Variants in ABCA10 observed in about 807,000 individuals in gnomAD.
ABCA10 encodes ATP-binding cassette sub-family A member 10.
A neutral mutation model predicts 187.5 loss-of-function variants in ABCA10; 169 were observed. That is an observed-to-expected ratio of 0.90 (90% confidence interval 0.80 to 1.02). ABCA10 has a LOEUF of 1.02. ABCA10 is among the 50% of genes least tolerant of loss of function. ABCA10 has a pLI of 0.00. For synonymous variants in ABCA10, 574 were observed against 601.8 expected, an observed-to-expected ratio of 0.95 and a Z score of 0.68; for missense variants, 1,727 against 1,812.4, an observed-to-expected ratio of 0.95 and a Z score of 0.86.
intron 7 of ABCA10, 50 bp downstream of exon 7, chr17:69,216,167 T>A (rs1364970093): frequency 6.4e-7 from 1 of 1,567,484 alleles, no homozygotes; most frequent in East Asian, 2.2e-5. Flanking sequence ...TTTGCTCATG[T>A]ATCTGTAATC....
chr17:69,227,804 T>C (rs1421767556), intron 1 of ABCA10, among the ~76,000 whole-genome samples: 1 of 151,940 alleles, frequency 6.6e-6, no homozygotes, highest in Non-Finnish European at 1.5e-5. Flanking sequence ...TTACGGCCAT[T>C]CTTAGAATCC....
chr17:69,183,542 C>A (rs1418304257), intron 20 of ABCA10, among the ~76,000 whole-genome samples: 1 of 152,084 alleles, frequency 6.6e-6, no homozygotes, highest in Non-Finnish European at 1.5e-5. Flanking sequence ...AAACTGAGTG[C>A]CCTCGGTGTG....
upstream of ABCA10, chr17:69,233,041 T>G (rs2074841949): frequency 6.6e-6 from 1 of 152,162 alleles, no homozygotes; most frequent in African/African-American, 2.4e-5. Flanking sequence ...TCTTGGGGTA[T>G]TCTTATTTGG....
rs1472912673 is a variant in ABCA10, at chr17:69,177,967, A to AT, written c.2770-2455_2770-2454insA. On this transcript the variant is annotated intron_variant, in intron 22 of 38. Transcript: ENST00000690296. Reference sequence around the variant, plus strand: ...TGAGACTCCATTTCAAAAAAAAAAAAAAAAAAATATATATATATATATATG... The same window carrying AT: ...TGAGACTCCATTTCAAAAAAAAAAAATAAAAAAATATATATATATATATATG... Among the ~76,000 whole-genome samples, 184 of 78,612 alleles carry AT rather than the reference A, an allele frequency of 2.3e-3. 3 individuals are homozygous for AT. The highest frequency in any genetic ancestry group is 4.6e-3 in the African/African-American group (147 of 31,776). The allele number at this position is 78,612 out of a possible 152,430, so 51.6% of individuals were successfully genotyped here.
intron 22 of ABCA10, among the ~76,000 whole-genome samples, chr17:69,180,317 G>A (rs1023839587): frequency 3.3e-5 from 5 of 152,204 alleles, no homozygotes; most frequent in East Asian, 1.9e-4. Context: ...CTTCTGCTCC[G>A]TGCAATGCAT....
At chr17:69,202,190 G>A (rs891242416) in intron 9 of ABCA10, among the ~76,000 whole-genome samples, 4 of 152,138 alleles carry the variant, frequency 2.6e-5, no homozygotes, top group African/African-American at 9.6e-5. Flanking sequence ...TCATGAAAGG[G>A]AATACAGTTC....
At position 69,192,594 on chromosome 17, in the gene ABCA10, T is replaced by C; in HGVS notation, c.1840A>G (p.Lys614Glu). 2 of 1,613,578 alleles carry C rather than the reference T, an allele frequency of 1.2e-6. No homozygotes were observed. The highest frequency in any genetic ancestry group is 1.7e-6 in the Non-Finnish European group (2 of 1,179,802). Residue 614 changes from lysine to glutamate, a missense_variant, in exon 16 of 39, where the codon AAG (lysine) becomes GAG (glutamate). Transcript: ENST00000690296. ...LKCAGSSLFL[K>E]RKWGIGYHLS... is the part of the protein sequence containing the mutation. ...TGATATCCAATACCCCACTTTCGCT[T>C]CAGAAACAAAGATGATCCTGCACAT...
intron 22 of ABCA10, chr17:69,178,893 T>C (rs190300427): frequency 6.6e-6 from 1 of 152,282 alleles, no homozygotes; most frequent in East Asian, 1.9e-4. Context: ...TTAAAAGTTA[T>C]TCATGAGGGA....
At chr17:69,150,400 T>C in intron 36 of ABCA10, 1 of 173,024 alleles carries the variant, frequency 5.8e-6, no homozygotes, top group Non-Finnish European at 1.2e-5. Context: ...TTCCCCTCTC[T>C]CATAGGAGAG....
Position 69,153,310 on chromosome 17 carries a change from T to A in ABCA10, c.4131A>T (p.Gln1377His). ...FTGMDPEGQQQMWQILQATVK... is the reference protein window; with the variant it reads ...FTGMDPEGQQHMWQILQATVK... ...TTAATATTCACTCTCCTTACCACAT[T>A]TGCTGCTGCCCCTCGGGGTCCATCC... Residue 1377 changes from glutamine to histidine, a missense_variant, in exon 34 of 39, where the codon CAA becomes CAT. Physicochemically the swap from Gln to His is conservative, Grantham distance 24. Coordinates refer to ENST00000690296, the MANE Select transcript of ABCA10 (RefSeq NM_001377321.1). The A allele has an allele frequency of 6.2e-7, 1 of 1,610,098 alleles. No individual in the cohort carries two copies. The highest frequency in any genetic ancestry group is 2.2e-5 in the East Asian group (1 of 44,882).
Position 69,148,787 on chromosome 17 carries a change from G to T in ABCA10, c.*40C>A. On this transcript the variant is annotated 3_prime_UTR_variant, in exon 39 of 39. Transcript: ENST00000690296. ...TTGTAGAATTATGGAAACTAACAATGTAGTAGGACCTAAAATTGAATGTTA... is the reference window on the plus strand; with the variant it reads ...TTGTAGAATTATGGAAACTAACAATTTAGTAGGACCTAAAATTGAATGTTA... 1 of 1,483,564 alleles carries T rather than the reference G, an allele frequency of 6.7e-7. No individual in the cohort carries two copies. Among genetic ancestry groups the T allele is most frequent in the Non-Finnish European group, 9.4e-7 (1 of 1,067,616 alleles). The allele number at this position is 1,483,564 out of a possible 1,614,324, so 91.9% of individuals were successfully genotyped here.
intron 25 of ABCA10, among the ~76,000 whole-genome samples, chr17:69,168,554 T>G (rs2074271717): frequency 6.6e-6 from 1 of 152,226 alleles, no homozygotes; most frequent in Non-Finnish European, 1.5e-5. Flanking sequence ...ATATGCATAT[T>G]AACAGTGCAG....
chr17:69,152,476 A>G lies in ABCA10; in HGVS notation c.4142T>C (p.Ile1381Thr), dbSNP rs778359447. 6.2e-7 allele frequency: 1 copy of G among 1,611,746 alleles called. No homozygotes were observed. Among genetic ancestry groups the G allele is most frequent in the East Asian group, 2.2e-5 (1 of 44,862 alleles). The change falls in exon 35 of 39, where the codon ATA (isoleucine) becomes ACA (threonine). Residue 1381 changes from isoleucine (I) to threonine (T), a missense_variant. Ile to Thr is a moderately conservative substitution (Grantham distance 89). Transcript: ENST00000690296. ...DPEGQQQMWQ[I>T]LQATVKNKER... is the part of the protein sequence containing the mutation. ...CTTGTTTTTAACGGTAGCCTGAAGT[A>G]TCTGCCTAAAGATAAAGTAAGGGAT... is the stretch of plus-strand genomic sequence containing the variant.
chr17:69,160,564 A>G (rs1422497519), intron 27 of ABCA10, among the ~76,000 whole-genome samples: 1 of 152,102 alleles, frequency 6.6e-6, no homozygotes, highest in African/African-American at 2.4e-5. Flanking sequence ...CCGAGATTGC[A>G]CCACTGCACT....
intron 27 of ABCA10, 111 bp from the exon 28 acceptor site, chr17:69,157,034 T>G: frequency 1.6e-6 from 1 of 631,930 alleles, no homozygotes. Flanking sequence ...TCTTGAAGAT[T>G]TGATCATTTT....
chr17:69,190,439 T>C lies in ABCA10; in HGVS notation c.2050A>G (p.Ile684Val), dbSNP rs759319737. 10 of 1,586,692 alleles carry C rather than the reference T, an allele frequency of 6.3e-6. No individual in the cohort carries two copies. Among genetic ancestry groups the C allele is most frequent in the African/African-American group, 1.4e-5 (1 of 73,104 alleles). ...GTCACTGAAACAGCATAATTCCTTA[T>C]GCCCTGGTCAGAACACTTATCAAGG... ...SDLDKCSDQGIRNYAVSVTSL... is the reference protein window; with the variant it reads ...SDLDKCSDQGVRNYAVSVTSL... Residue 684 changes from isoleucine (I) to valine (V), a missense_variant, in exon 18 of 39, where the codon ATA becomes GTA. Ile to Val is a conservative substitution (Grantham distance 29). Transcript: ENST00000690296.
At chr17:69,153,224 C>T in intron 34 of ABCA10, 81 bp downstream of exon 34, 2 of 1,501,424 alleles carry the variant, frequency 1.3e-6, no homozygotes, top group Non-Finnish European at 8.9e-7. Context: ...CAAAATGTAA[C>T]AAAGAAACAA....
intron 8 of ABCA10, 89 bp downstream of exon 8, chr17:69,215,726 A>AT (rs2074698474): frequency 2.5e-6 from 3 of 1,210,936 alleles, no homozygotes; most frequent in South Asian, 5.4e-5. Context: ...AGAGTGGCTG[A>AT]TTATTAAATT....
At chr17:69,241,412 A>C (rs1260906900) in intron 1 of ABCA10, among the ~76,000 whole-genome samples, 1 of 152,200 alleles carries the variant, frequency 6.6e-6, no homozygotes, top group Non-Finnish European at 1.5e-5. Context: ...TCAACACAGC[A>C]GCTAAACTGT....
Sources: gnomAD v4.1 joint callset for allele counts (sites outside exome capture counted in the v4.1 genomes callset) on GRCh38, gnomAD v4.1.1 for gene constraint, MANE v1.5 for transcripts, NCBI Gene and HGNC (gene_info 2026-07-23, HGNC 2026-07-21) for gene names.